Variants in SERPINE2 observed in about 807,000 individuals in gnomAD.
SERPINE2 encodes serpin family E member 2, also known as glia-derived nexin.
A neutral mutation model predicts 36.3 loss-of-function variants in SERPINE2; 14 were observed. That is an observed-to-expected ratio of 0.39 (90% CI 0.25 to 0.60). SERPINE2 has a LOEUF of 0.60. SERPINE2 is among the 20% of genes least tolerant of loss of function. The pLI, the probability that SERPINE2 is intolerant of heterozygous loss-of-function variation, is 0.57. For synonymous variants in SERPINE2, 192 were observed against 191.8 expected, an observed-to-expected ratio of 1.00 and a Z score of -0.01; for missense variants, 418 against 499.6, an observed-to-expected ratio of 0.84 and a Z score of 1.56.
chr2:224,005,066 T>A (rs1422997372), intron 1 of SERPINE2, among the ~76,000 whole-genome samples: 1 of 86,424 alleles, frequency 1.2e-5, no homozygotes, highest in East Asian at 3.3e-4. Context: ...TTATATATAT[T>A]ATATATATAT....
Position 223,990,584 on chromosome 2 carries a change from A to C in SERPINE2, c.685+1219T>G, listed in dbSNP as rs920012869. Among the ~76,000 whole-genome samples the C allele has an allele frequency of 2.0e-5, 3 of 151,630 alleles. 1 individual carries two copies. The highest frequency in any genetic ancestry group is 4.2e-4 in the South Asian group (2 of 4,790). On this transcript the variant is annotated intron_variant, in intron 4 of 8. Transcript: ENST00000409304. The stretch of plus-strand genomic sequence containing the variant: ...CCCTCACTTTTTATTTTATTTTTTT[A>C]TGGACTATAAAGTGTGTACAAAAGA...
At chr2:224,021,310 C>A (rs189463015) in intron 1 of SERPINE2, among the ~76,000 whole-genome samples, 6 of 152,314 alleles carry the variant, frequency 3.9e-5, no homozygotes, top group African/African-American at 1.2e-4. Flanking sequence ...GTATGATCAT[C>A]TTCCATTTCA....
intron 1 of SERPINE2, chr2:224,010,242 T>C: frequency 2.1e-6 from 1 of 478,770 alleles, no homozygotes; most frequent in Non-Finnish European, 2.7e-6. Context: ...TAGAGACATC[T>C]GAATTTTTTC....
chr2:224,031,762 C>T (rs1023966254), intron 1 of SERPINE2, among the ~76,000 whole-genome samples: 3 of 148,660 alleles, frequency 2.0e-5, no homozygotes, highest in Non-Finnish European at 4.5e-5. Context: ...ACCCCCCACC[C>T]CCCCCGCCGG....
At chr2:224,024,081 A>C (rs1692102756) in intron 1 of SERPINE2, among the ~76,000 whole-genome samples, 1 of 152,228 alleles carries the variant, frequency 6.6e-6, no homozygotes, top group South Asian at 2.1e-4. Context: ...TAAGTAAATA[A>C]AAATATATGT....
chr2:223,994,945 G>C (rs1690819228), intron 3 of SERPINE2, among the ~76,000 whole-genome samples: 1 of 152,252 alleles, frequency 6.6e-6, no homozygotes, highest in African/African-American at 2.4e-5. Context: ...TATACAGGTA[G>C]TATGTGGCAG....
chr2:223,998,438 C>T, intron 2 of SERPINE2, 96 bp from the exon 3 acceptor site: 1 of 899,662 alleles, frequency 1.1e-6, no homozygotes, highest in Admixed American at 2.2e-5. Flanking sequence ...ACAGTATAGG[C>T]CAGGTGCAGT....
intron 1 of SERPINE2, among the ~76,000 whole-genome samples, chr2:224,032,521 C>CA (rs1186007688): frequency 4.6e-5 from 7 of 152,186 alleles, no homozygotes. Context: ...TTTACAAAAA[C>CA]AAAGTGCATT....
At chr2:223,984,656 T>A in intron 5 of SERPINE2, 96 bp downstream of exon 5, 1 of 1,113,500 alleles carries the variant, frequency 9.0e-7, no homozygotes, top group Non-Finnish European at 1.3e-6. Flanking sequence ...GGCTTCATGA[T>A]GTGCCATATT....
intron 1 of SERPINE2, among the ~76,000 whole-genome samples, chr2:224,032,011 C>G (rs1258149145): frequency 6.6e-6 from 1 of 152,200 alleles, no homozygotes; most frequent in Non-Finnish European, 1.5e-5. Context: ...GCCAACAGCT[C>G]TCCGCCTTGT....
intron 1 of SERPINE2, among the ~76,000 whole-genome samples, chr2:224,023,732 CTTTTA>C (rs1692088039): frequency 6.6e-6 from 1 of 152,206 alleles, no homozygotes; most frequent in Non-Finnish European, 1.5e-5. Context: ...CATTTCCCAT[CTTTTA>C]TTAGGTGACT....
chr2:223,987,221 A>G (rs1175383793), intron 4 of SERPINE2, among the ~76,000 whole-genome samples: 1 of 152,198 alleles, frequency 6.6e-6, no homozygotes, highest in East Asian at 1.9e-4. Context: ...TGCTCAGCAT[A>G]AGCTGGCCCA....
chr2:224,033,795 A>G (rs1304659260), intron 1 of SERPINE2, among the ~76,000 whole-genome samples: 1 of 152,208 alleles, frequency 6.6e-6, no homozygotes, highest in Non-Finnish European at 1.5e-5. Context: ...GACCTCAAGG[A>G]GGGCAGAACC....
chr2:224,036,532 A>C (rs767605972), intron 1 of SERPINE2, among the ~76,000 whole-genome samples: 3 of 151,602 alleles, frequency 2.0e-5, no homozygotes, highest in Non-Finnish European at 4.4e-5. Context: ...GAAATACCTA[A>C]TGTGATGGGT....
intron 2 of SERPINE2, among the ~76,000 whole-genome samples, chr2:224,001,199 C>T (rs913863079): frequency 6.6e-6 from 1 of 152,128 alleles, no homozygotes; most frequent in African/African-American, 2.4e-5. Flanking sequence ...ATTTGTGTGG[C>T]CACCACCACA....
At chr2:223,984,606 G>C in intron 5 of SERPINE2, 146 bp downstream of exon 5, 1 of 721,386 alleles carries the variant, frequency 1.4e-6, no homozygotes, top group Non-Finnish European at 2.3e-6. Flanking sequence ...GAAAAGCACG[G>C]CCTCGTAATC....
intron 1 of SERPINE2, among the ~76,000 whole-genome samples, chr2:224,024,556 T>C (rs78311736): frequency 0.02 from 3,037 of 152,312 alleles, 127 homozygotes; most frequent in East Asian, 0.18. Context: ...GCCTGTTGTC[T>C]AGTCCTGGGC....
intron 1 of SERPINE2, among the ~76,000 whole-genome samples, chr2:224,025,977 T>C (rs1363423576): frequency 6.6e-6 from 1 of 152,246 alleles, no homozygotes; most frequent in Non-Finnish European, 1.5e-5. Context: ...CTACATTTCC[T>C]AGCCTTCAAG....
In SERPINE2 at chr2:224,030,388, T is replaced by C. The variant is rs1049509255; in HGVS notation, c.-23+8711A>G. 4.1e-5 allele frequency: 9 copies of C among 220,040 alleles called. No individual in the cohort carries two copies. In the South Asian group the frequency reaches 1.3e-3, roughly 32 times the overall value. 13.6% of individuals were successfully genotyped at this position (220,040 alleles called of 1,614,324 possible). ...TGCTCACCTGTACTTCTGTGACAAA[T>C]ATTACCCAATGCCACAACCACAGCC... On this transcript the variant is annotated intron_variant, in intron 1 of 8. Transcript: ENST00000409304.
Sources: allele counts gnomAD v4.1 joint callset (sites outside exome capture counted in the v4.1 genomes callset), GRCh38; gene constraint gnomAD v4.1.1; transcripts MANE v1.5; gene names NCBI Gene and HGNC (gene_info 2026-07-23, HGNC 2026-07-21).